ST6GALNAC5: variants seen among roughly 807,000 people sequenced by gnomAD.
ST6GALNAC5 encodes the protein ST6 N-acetylgalactosaminide alpha-2,6-sialyltransferase 5.
ST6GALNAC5 carries 27 observed loss-of-function variants against 33.6 expected under a neutral mutation model. That is an observed-to-expected ratio of 0.80 (90% confidence interval 0.59 to 1.11). ST6GALNAC5 has a LOEUF of 1.11. Ranked by LOEUF, ST6GALNAC5 falls within the 50% of genes least tolerant of loss-of-function variation. The probability of loss-of-function intolerance (pLI) is 0.00; values close to 1 mark genes in which losing one functional copy is unlikely to be tolerated. For synonymous variants in ST6GALNAC5, 194 were observed against 171.2 expected, an observed-to-expected ratio of 1.13 and a Z score of -1.04; for missense variants, 428 against 454.0, an observed-to-expected ratio of 0.94 and a Z score of 0.52.
intron 2 of ST6GALNAC5, among the ~76,000 whole-genome samples, chr1:76,896,711 C>T (rs930714566): frequency 5.9e-5 from 9 of 152,068 alleles, no homozygotes; most frequent in Non-Finnish European, 8.8e-5. Context: ...AGAGTGAGTA[C>T]AGCTGAAGGA....
At chr1:76,955,048 G>T (rs1647900206) in intron 2 of ST6GALNAC5, among the ~76,000 whole-genome samples, 1 of 152,126 alleles carries the variant, frequency 6.6e-6, no homozygotes, top group Non-Finnish European at 1.5e-5. Context: ...TGAAGAGGTG[G>T]ACAGTGAACA....
intron 2 of ST6GALNAC5, among the ~76,000 whole-genome samples, chr1:77,022,360 G>A (rs1263613697): frequency 6.6e-6 from 1 of 152,160 alleles, no homozygotes; most frequent in African/African-American, 2.4e-5. Context: ...TTTGTGAAAA[G>A]TTTTAATTTC....
chr1:76,906,838 A>C (rs1467264775), intron 2 of ST6GALNAC5, among the ~76,000 whole-genome samples: 4 of 152,156 alleles, frequency 2.6e-5, no homozygotes, highest in African/African-American at 9.7e-5. Context: ...ATTTCAACAT[A>C]TTCAAAATAA....
intron 2 of ST6GALNAC5, among the ~76,000 whole-genome samples, chr1:76,894,349 T>C (rs1034010771): frequency 7.2e-5 from 11 of 152,182 alleles, no homozygotes; most frequent in African/African-American, 2.7e-4. Flanking sequence ...ACCGCACACC[T>C]GCCACCACCC....
rs1450192304 is a variant in ST6GALNAC5 at position 77,063,041 on chromosome 1, G to A, written c.846G>A (p.Met282Ile). Residue 282 changes from methionine (M) to isoleucine (I), a missense_variant, in exon 5 of 5, where the codon ATG becomes ATA. Physicochemically the swap from Met to Ile is conservative, Grantham distance 10. Coordinates refer to ENST00000477717, the MANE Select transcript of ST6GALNAC5 (RefSeq NM_030965.3). ...CTTTTGGACCTGATGAATGTACAATGTACCTCTCCCATGAGCGAGGACGCA... is the reference window on the plus strand; with the variant it reads ...CTTTTGGACCTGATGAATGTACAATATACCTCTCCCATGAGCGAGGACGCA... ...YEPFGPDECT[M>I]YLSHERGRKG... is the part of the protein sequence containing the mutation. The A allele has an allele frequency of 6.2e-7, 1 of 1,613,920 alleles. No homozygotes were observed. Among genetic ancestry groups the A allele is most frequent in the Middle Eastern group, 1.6e-4 (1 of 6,062 alleles).
At chr1:77,049,385 A>C (rs1332172585) in intron 3 of ST6GALNAC5, among the ~76,000 whole-genome samples, 1 of 152,178 alleles carries the variant, frequency 6.6e-6, no homozygotes, top group South Asian at 2.1e-4. Flanking sequence ...GGAAAAGTAA[A>C]AGCAGCAACC....
chr1:76,894,996 C>T (rs1433257400), intron 2 of ST6GALNAC5, among the ~76,000 whole-genome samples: 5 of 151,850 alleles, frequency 3.3e-5, no homozygotes, highest in Admixed American at 2.6e-4. Context: ...TATTCTCTGG[C>T]GGGCAGAGTG....
chr1:76,992,373 T>C (rs542397263), intron 2 of ST6GALNAC5, among the ~76,000 whole-genome samples: 4 of 152,236 alleles, frequency 2.6e-5, no homozygotes, highest in Non-Finnish European at 5.9e-5. Context: ...TCTCAGTGTC[T>C]TCCTCCTATA....
At chr1:76,968,028 C>T (rs544988733) in intron 2 of ST6GALNAC5, among the ~76,000 whole-genome samples, 19 of 152,134 alleles carry the variant, frequency 1.2e-4, no homozygotes, top group Admixed American at 4.6e-4. Context: ...GGAATAAGTG[C>T]GATGTGGTGC....
intron 2 of ST6GALNAC5, among the ~76,000 whole-genome samples, chr1:76,972,675 A>G (rs1219378262): frequency 6.6e-6 from 1 of 152,184 alleles, no homozygotes; most frequent in Non-Finnish European, 1.5e-5. Flanking sequence ...TATTATCTGT[A>G]GAATAAATTT....
chr1:76,903,184 C>T (rs1218692452), intron 2 of ST6GALNAC5, among the ~76,000 whole-genome samples: 1 of 152,100 alleles, frequency 6.6e-6, no homozygotes, highest in Non-Finnish European at 1.5e-5. Flanking sequence ...ACCCATACAA[C>T]TCAATAATAA....
Position 76,898,933 on chromosome 1 carries a change from A to T in ST6GALNAC5, c.261+30191A>T, listed in dbSNP as rs1319131071. Among the ~76,000 whole-genome samples, 3 of 152,160 alleles carry T rather than the reference A, an allele frequency of 2.0e-5. No individual in the cohort carries two copies. The East Asian group carries it at 5.8e-4, about 29-fold the overall frequency. ...GACACTTGGGGTTGGGACTGAGGGGACAGGTGGGAGGGAAACAAGGAAGAT... is the reference window on the plus strand; with the variant it reads ...GACACTTGGGGTTGGGACTGAGGGGTCAGGTGGGAGGGAAACAAGGAAGAT... On this transcript the variant is annotated intron_variant, in intron 2 of 4. Transcript: ENST00000477717.
intron 3 of ST6GALNAC5, 85 bp from the exon 4 acceptor site, chr1:77,050,173 G>T: frequency 9.0e-7 from 1 of 1,116,832 alleles, no homozygotes; most frequent in Non-Finnish European, 1.4e-6. Context: ...TTTATAGTTA[G>T]CCTTACTCTA....
rs565272562 is a variant in ST6GALNAC5, at chr1:76,868,383, G to T, written c.16-114G>T. ...TGCGTGCGGCGGGGCTGGGGCCCAG[G>T]CCGCCCCAAATCTCCCCCACTAGAG... On this transcript the variant is annotated intron_variant, in intron 1 of 4. Transcript: ENST00000477717. This position sits in a 1 kb window ranked among gnomAD's most constrained non-coding sequence, Gnocchi z 4.3. The T allele has an allele frequency of 1.4e-6, 2 of 1,419,950 alleles. No individual in the cohort carries two copies. The highest frequency in any genetic ancestry group is 2.9e-5 in the African/African-American group (2 of 67,814). The allele number at this position is 1,419,950 out of a possible 1,614,324, so 88.0% of individuals were successfully genotyped here. A position where few individuals can be genotyped will look rare whatever the true frequency, so the allele number is the denominator to read the frequency against.
chr1:76,974,734 C>G (rs1362226511), intron 2 of ST6GALNAC5, among the ~76,000 whole-genome samples: 1 of 116,768 alleles, frequency 8.6e-6, no homozygotes, highest in Non-Finnish European at 1.8e-5. Flanking sequence ...AATTTCTTCT[C>G]TTTTCCAATT....
At chr1:76,988,629 C>T (rs528781870) in intron 2 of ST6GALNAC5, among the ~76,000 whole-genome samples, 3 of 151,936 alleles carry the variant, frequency 2.0e-5, no homozygotes, top group Non-Finnish European at 4.4e-5. Context: ...ACTTGATTTG[C>T]CAACTTTAAA....
At chr1:76,914,888 A>G (rs552887283) in intron 2 of ST6GALNAC5, among the ~76,000 whole-genome samples, 109 of 152,300 alleles carry the variant, frequency 7.2e-4, no homozygotes, top group African/African-American at 2.6e-3. Flanking sequence ...AGAAACTACC[A>G]TCAGAGTGAA....
rs1197017647 is a variant in ST6GALNAC5, at chr1:77,063,473, A to T, written c.*267A>T. On this transcript the variant is annotated 3_prime_UTR_variant, in exon 5 of 5. Coordinates refer to ENST00000477717, the MANE Select transcript of ST6GALNAC5 (RefSeq NM_030965.3). ...CATTCAATTCAGTTACACCACTATG[A>T]CTAAAAACAGTTTGGATCTCTTAGT... The T allele has an allele frequency of 2.2e-6, 1 of 451,236 alleles. No individual in the cohort carries two copies. Among genetic ancestry groups the T allele is most frequent in the Non-Finnish European group, 4.0e-6 (1 of 248,510 alleles). 28.0% of individuals were successfully genotyped at this position (451,236 alleles called of 1,614,324 possible). A position where few individuals can be genotyped will look rare whatever the true frequency, so the allele number is the denominator to read the frequency against.
rs185256951 is a variant in ST6GALNAC5 at position 77,054,689 on chromosome 1, G to C, written c.779+4324G>C. 6.1e-3 allele frequency among the ~76,000 whole-genome samples: 928 copies of C among 152,248 alleles called. 3 individuals are homozygous for C. Among genetic ancestry groups the C allele is most frequent in the Non-Finnish European group, 0.01 (712 of 68,028 alleles). ...GAGCAAACTGCCAAGCAATCCGTGA[G>C]TGCCTGATCCCCAAGGGGAAGTGTA... is the stretch of plus-strand genomic sequence containing the variant. On this transcript the variant is annotated intron_variant, in intron 4 of 4. Transcript: ENST00000477717.
Sources: allele counts gnomAD v4.1 joint callset (sites outside exome capture counted in the v4.1 genomes callset), GRCh38; gene constraint gnomAD v4.1.1; non-coding constraint Gnocchi (gnomAD v3.1); transcripts MANE v1.5; gene names NCBI Gene and HGNC (gene_info 2026-07-23, HGNC 2026-07-21).